The following ABCB5 variants were observed in gnomAD, a reference collection of about 807,000 sequenced individuals.
ABCB5 encodes the protein ATP-binding cassette sub-family B member 5.
ABCB5 carries 155 observed loss-of-function variants against 144.2 expected under a neutral mutation model. That is an observed-to-expected ratio of 1.08 (90% CI 0.94 to 1.23). ABCB5 has a LOEUF of 1.23. Among genes scored for constraint, ABCB5 ranks in the 50% most tolerant of loss-of-function variants. The pLI is 0.00. For synonymous variants in ABCB5, 610 were observed against 528.6 expected (o/e 1.15, Z -2.11); for missense variants, 1,830 against 1,520.8 (o/e 1.20, Z -3.38).
chr7:20,720,048 C>A (rs1185768860), intron 20 of ABCB5, among the ~76,000 whole-genome samples: 4 of 152,084 alleles, frequency 2.6e-5, no homozygotes, highest in Admixed American at 2.6e-4. Flanking sequence ...AAATAAAATT[C>A]TCCACTAAAA....
chr7:20,731,275 C>T (rs1344855434), intron 23 of ABCB5, among the ~76,000 whole-genome samples: 1 of 151,098 alleles, frequency 6.6e-6, no homozygotes, highest in Non-Finnish European at 1.5e-5. Flanking sequence ...ATTGCTTCAA[C>T]CCCGGAGGTG....
At chr7:20,641,453 C>G (rs1784293446) in intron 5 of ABCB5, 2 of 152,498 alleles carry the variant, frequency 1.3e-5, no homozygotes, top group Admixed American at 1.3e-4. Flanking sequence ...GAGGCTGAGG[C>G]AGGAGGATTC....
intron 25 of ABCB5, among the ~76,000 whole-genome samples, chr7:20,744,828 C>G (rs1324880197): frequency 6.6e-6 from 1 of 151,304 alleles, no homozygotes; most frequent in African/African-American, 2.4e-5. Flanking sequence ...TCTTATTGAC[C>G]ACTATTTCCC....
In ABCB5 at chr7:20,745,120, G is replaced by C. The variant is rs1583466571; in HGVS notation, c.3223-112G>C. 4 of 1,149,332 alleles carry C rather than the reference G, an allele frequency of 3.5e-6. No individual in the cohort carries two copies. The East Asian group carries it at 9.7e-5, about 28-fold the overall frequency. The allele number at this position is 1,149,332 out of a possible 1,614,324, so 71.2% of individuals were successfully genotyped here. ...TTGGGTAACTTTATACTTTGAAATA[G>C]CTTGAATTCCTATCCTTCTTGTTAT... On this transcript the variant is annotated intron_variant, in intron 25 of 27. Coordinates refer to ENST00000404938, the MANE Select transcript of ABCB5 (RefSeq NM_001163941.2).
chr7:20,752,921 T>C (rs1782976658), intron 26 of ABCB5, among the ~76,000 whole-genome samples: 1 of 152,220 alleles, frequency 6.6e-6, no homozygotes, highest in African/African-American at 2.4e-5. Context: ...CCAGCATCTG[T>C]AAGGATGTGC....
In ABCB5 at chr7:20,630,713, G is replaced by C. The variant is rs74615633; in HGVS notation, c.260-1346G>C. 0.047 allele frequency among the ~76,000 whole-genome samples: 7,135 copies of C among 152,224 alleles called. 845 individuals are homozygous for C. In the East Asian group the frequency reaches 0.47, roughly 10 times the overall value. ...AACAAATGAATGAATGAATGTGTGA[G>C]TAAATGGGCAACCTGGCAACCTAAG... On this transcript the variant is annotated intron_variant, in intron 4 of 27. Transcript: ENST00000404938.
At chr7:20,654,046 G>A (rs1448781725) in intron 13 of ABCB5, among the ~76,000 whole-genome samples, 1 of 152,162 alleles carries the variant, frequency 6.6e-6, no homozygotes, top group East Asian at 1.9e-4. Flanking sequence ...AGAGAAGAGA[G>A]GTTTTGGAGG....
intron 15 of ABCB5, among the ~76,000 whole-genome samples, chr7:20,682,854 T>G (rs1430302326): frequency 2.0e-5 from 3 of 152,198 alleles, no homozygotes; most frequent in African/African-American, 7.2e-5. Flanking sequence ...TCCCCTTCTT[T>G]AGGATCCATA....
chr7:20,675,284 C>A (rs1375208778), intron 14 of ABCB5, among the ~76,000 whole-genome samples: 1 of 151,840 alleles, frequency 6.6e-6, no homozygotes, highest in East Asian at 1.9e-4. Flanking sequence ...TAGTACTTGC[C>A]TAAAAATAAA....
chr7:20,656,912 C>CTTTTTTTT (rs749816471), intron 13 of ABCB5, among the ~76,000 whole-genome samples: 9 of 58,568 alleles, frequency 1.5e-4, no homozygotes, highest in Non-Finnish European at 2.6e-4. Context: ...TTTCCTTTTT[C>CTTTTTTTT]TTTTTTTTTT....
At chr7:20,750,330 C>CAGCCTCAT (rs1782877205) in intron 26 of ABCB5, among the ~76,000 whole-genome samples, 2 of 147,054 alleles carry the variant, frequency 1.4e-5, no homozygotes, top group African/African-American at 5.1e-5. Flanking sequence ...ATGCACTGAG[C>CAGCCTCAT]AGCCTCATGG....
Position 20,623,256 on chromosome 7 carries a change from G to A in ABCB5, c.-21-9G>A. ...TAGCCATAATACATTTGTTAAAATT[G>A]TATTTCAGAAGAAGTAAATTGTAAA... On this transcript the variant is annotated splice_polypyrimidine_tract_variant and intron_variant, in intron 1 of 27. Coordinates refer to ENST00000404938, the MANE Select transcript of ABCB5 (RefSeq NM_001163941.2). 6.9e-7 allele frequency: 1 copy of A among 1,441,568 alleles called. No individual in the cohort carries two copies. The highest frequency in any genetic ancestry group is 9.5e-7 in the Non-Finnish European group (1 of 1,047,666). 89.3% of individuals were successfully genotyped at this position (1,441,568 alleles called of 1,614,324 possible).
intron 5 of ABCB5, 131 bp from the exon 6 acceptor site, chr7:20,643,053 C>A (rs1035419938): frequency 1.8e-5 from 13 of 723,684 alleles, no homozygotes; most frequent in Non-Finnish European, 2.5e-5. Flanking sequence ...ACTCTCATGG[C>A]ATGTTATTTT....
chr7:20,697,542 C>T (rs972310697), intron 16 of ABCB5, among the ~76,000 whole-genome samples: 1 of 152,166 alleles, frequency 6.6e-6, no homozygotes, highest in African/African-American at 2.4e-5. Flanking sequence ...AGATCGTTAT[C>T]GTATTATTTA....
At chr7:20,710,383 TGG>T (rs370218679) in intron 20 of ABCB5, among the ~76,000 whole-genome samples, 1 of 69,070 alleles carries the variant, frequency 1.4e-5, no homozygotes, top group Non-Finnish European at 2.6e-5. Context: ...AAAAAAAAAG[TGG>T]GGGGGGGGCA....
intron 14 of ABCB5, among the ~76,000 whole-genome samples, chr7:20,674,667 GA>G (rs1785547966): frequency 7.6e-6 from 1 of 131,376 alleles, no homozygotes. Flanking sequence ...AATTAGGCAA[GA>G]AAAAGAAAAA....
At chr7:20,633,547 CG>C (rs555730699) in intron 5 of ABCB5, among the ~76,000 whole-genome samples, 63 of 152,100 alleles carry the variant, frequency 4.1e-4, no homozygotes, top group African/African-American at 1.5e-3. Context: ...ATACATATAA[CG>C]TATAGTGATC....
chr7:20,717,437 C>CTT lies in ABCB5; in HGVS notation c.2422-5562_2422-5561dup, dbSNP rs557306157. On this transcript the variant is annotated intron_variant, in intron 20 of 27. Transcript: ENST00000404938. ...AGTGTCTGCTGTGTCCAGATTTCCT[C>CTT]TTTTTTTTTTTTTTTTTTCTTTTGA... Among the ~76,000 whole-genome samples, 382 of 132,980 alleles carry CTT rather than the reference C, an allele frequency of 2.9e-3. 4 individuals are homozygous for CTT. Among genetic ancestry groups the CTT allele is most frequent in the Middle Eastern group, 0.019 (5 of 260 alleles). 87.2% of individuals were successfully genotyped at this position (132,980 alleles called of 152,430 possible).
At chr7:20,737,850 A>G (rs1782437964) in intron 23 of ABCB5, among the ~76,000 whole-genome samples, 1 of 152,242 alleles carries the variant, frequency 6.6e-6, no homozygotes, top group African/African-American at 2.4e-5. Context: ...TTTGAGCTTT[A>G]AACACTTTCT....
Sources: allele counts gnomAD v4.1 joint callset (sites outside exome capture counted in the v4.1 genomes callset), GRCh38; gene constraint gnomAD v4.1.1; transcripts MANE v1.5; gene names NCBI Gene and HGNC (gene_info 2026-07-23, HGNC 2026-07-21).